The following USP34 variants were observed in gnomAD, a reference collection of about 807,000 sequenced individuals.
USP34 encodes ubiquitin specific peptidase 34.
USP34 carries 70 observed loss-of-function variants against 460.3 expected under a neutral mutation model. The ratio of observed to expected loss-of-function variants is 0.15; its 90% CI spans 0.13 to 0.19. The LOEUF is 0.19. USP34 is among the 10% of genes least tolerant of loss of function. USP34 has a pLI of 1.00. For synonymous variants in USP34, 1,647 were observed against 1,405.3 expected (o/e 1.17, Z -3.85); for missense variants, 3,985 against 4,236.2 (o/e 0.94, Z 1.65).
intron 44 of USP34, among the ~76,000 whole-genome samples, chr2:61,258,327 A>G (rs1310423669): frequency 6.6e-6 from 1 of 152,214 alleles, no homozygotes; most frequent in African/African-American, 2.4e-5. Context: ...CTGCCTCAAA[A>G]AATAAAAATA....
intron 10 of USP34, among the ~76,000 whole-genome samples, chr2:61,360,176 C>T (rs1029896412): frequency 2.0e-5 from 3 of 152,094 alleles, no homozygotes; most frequent in African/African-American, 2.4e-5. Context: ...ATTACCACTC[C>T]TATTCAATTT....
intron 3 of USP34, among the ~76,000 whole-genome samples, chr2:61,404,277 AC>A (rs1354945092): frequency 6.6e-6 from 1 of 152,126 alleles, no homozygotes; most frequent in African/African-American, 2.4e-5. Context: ...TAAAAAACAA[AC>A]AAAAAAAATG....
Position 61,229,600 on chromosome 2 carries a change from T to C in USP34, c.7147A>G (p.Arg2383Gly). 6.2e-7 allele frequency: 1 copy of C among 1,612,320 alleles called. No homozygotes were observed. Among genetic ancestry groups the C allele is most frequent in the Non-Finnish European group, 8.5e-7 (1 of 1,179,404 alleles). ...FQRLCIHVIQ[R>G]LRPVHAHLYL... is the part of the protein sequence containing the mutation. ...AGATGAGCATGCACAGGTCTCAGCC[T>C]CTGAATCACATGGATACACAAACGC... The change falls in exon 59 of 80, where the codon AGG (arginine) becomes GGG (glycine). Residue 2383 changes from arginine to glycine, a missense_variant. Physicochemically the swap from Arg to Gly is moderately radical, Grantham distance 125 (BLOSUM62 -2). Transcript: ENST00000398571.
In USP34 at chr2:61,383,292, T is replaced by C. The variant is rs1195352294; in HGVS notation, c.798A>G (p.Ile266Met). The change falls in exon 6 of 80, where the codon ATA (isoleucine) becomes ATG (methionine). Residue 266 changes from isoleucine (I) to methionine (M), a missense_variant. Coordinates refer to ENST00000398571, the MANE Select transcript of USP34 (RefSeq NM_014709.4). ...ACCTAATAACATAGGTCCTAAAAGG[T>C]ATAATGTGCTGCATGACAGCGGGAA... The part of the protein sequence containing the change: ...LHIPAVMQHI[I>M]PFRTYVIRYL... 1 of 1,604,990 alleles carries C rather than the reference T, an allele frequency of 6.2e-7. No individual in the cohort carries two copies. Among genetic ancestry groups the C allele is most frequent in the South Asian group, 1.1e-5 (1 of 89,476 alleles).
chr2:61,405,733 T>C lies in USP34; in HGVS notation c.527A>G (p.Lys176Arg), dbSNP rs200872829. 95 of 1,572,022 alleles carry C rather than the reference T, an allele frequency of 6.0e-5. No individual in the cohort carries two copies. Among genetic ancestry groups the C allele is most frequent in the South Asian group, 1.2e-4 (10 of 82,406 alleles). The change falls in exon 3 of 80, where the codon AAG becomes AGG. Residue 176 changes from lysine to arginine, a missense_variant. By Grantham distance (26) the Lys-to-Arg change is conservative. Transcript: ENST00000398571. ...CTCAATAGTAGGGTGAGTATTATGC[T>C]TGTAAGCAGTATATAAGGGAAACTG... ...QIQFPLYTAY[K>R]HNTHPTIEDI... is the part of the protein sequence containing the mutation.
chr2:61,346,369 A>T (rs1270437321), intron 15 of USP34: 7 of 127,836 alleles, frequency 5.5e-5, no homozygotes, highest in East Asian at 2.4e-4. Flanking sequence ...AAAAAAAAAA[A>T]TTAAGAATTA....
At chr2:61,258,577 C>G (rs1688782957) in intron 44 of USP34, among the ~76,000 whole-genome samples, 1 of 151,938 alleles carries the variant, frequency 6.6e-6, no homozygotes, top group Non-Finnish European at 1.5e-5. Flanking sequence ...AATAAACCCA[C>G]AAGCAATGAA....
chr2:61,320,962 G>C (rs1195251972), intron 21 of USP34, among the ~76,000 whole-genome samples: 4 of 151,130 alleles, frequency 2.6e-5, no homozygotes, highest in Non-Finnish European at 5.9e-5. Context: ...GTGAGCTGAG[G>C]CCTCACCACT....
At position 61,187,617 on chromosome 2, in the gene USP34, G is replaced by C; in HGVS notation, c.*485C>G. 2.6e-6 allele frequency: 2 copies of C among 764,340 alleles called. No homozygotes were observed. Among genetic ancestry groups the C allele is most frequent in the Non-Finnish European group, 3.2e-6 (2 of 627,806 alleles). The allele number at this position is 764,340 out of a possible 1,614,324, so 47.3% of individuals were successfully genotyped here. Reference sequence around the variant, plus strand: ...ATAAAGCACCATTTATATACTGCCAGGCCACAGCTAAAGAGGATTCTTTAC... The same window carrying C: ...ATAAAGCACCATTTATATACTGCCACGCCACAGCTAAAGAGGATTCTTTAC... On this transcript the variant is annotated 3_prime_UTR_variant, in exon 80 of 80. Coordinates refer to ENST00000398571, the MANE Select transcript of USP34 (RefSeq NM_014709.4).
intron 1 of USP34, among the ~76,000 whole-genome samples, chr2:61,430,409 AAT>A (rs1694635085): frequency 6.6e-6 from 1 of 152,084 alleles, no homozygotes; most frequent in Admixed American, 6.6e-5. Flanking sequence ...CTCAAAAAAT[AAT>A]AATAATAAAA....
chr2:61,462,909 T>C (rs1020673624), intron 1 of USP34, among the ~76,000 whole-genome samples: 4 of 148,056 alleles, frequency 2.7e-5, no homozygotes, highest in Non-Finnish European at 5.9e-5. Flanking sequence ...TACACACCTA[T>C]AGTCCCTGCT....
chr2:61,412,566 C>A (rs190428730), intron 2 of USP34, among the ~76,000 whole-genome samples: 6 of 151,920 alleles, frequency 3.9e-5, no homozygotes, highest in African/African-American at 1.4e-4. Context: ...AAAATGAAAT[C>A]TCCCACAAAA....
At chr2:61,334,347 T>C (rs1691355853) in intron 18 of USP34, among the ~76,000 whole-genome samples, 1 of 152,080 alleles carries the variant, frequency 6.6e-6, no homozygotes, top group Non-Finnish European at 1.5e-5. Context: ...ACCACGTCAC[T>C]AATGGAAGCA....
At chr2:61,213,706 A>C (rs1399466744) in intron 68 of USP34, among the ~76,000 whole-genome samples, 1 of 152,234 alleles carries the variant, frequency 6.6e-6, no homozygotes, top group Non-Finnish European at 1.5e-5. Context: ...GATTTTGCTA[A>C]GTATCTGATT....
Position 61,227,163 on chromosome 2 carries a change from T to A in USP34, c.7499A>T (p.Asp2500Val). 1 of 1,613,964 alleles carries A rather than the reference T, an allele frequency of 6.2e-7. No individual in the cohort carries two copies. The highest frequency in any genetic ancestry group is 8.5e-7 in the Non-Finnish European group (1 of 1,179,938). The change falls in exon 62 of 80, where the codon GAT becomes GTT. Residue 2500 changes from aspartate to valine, a missense_variant. Around this residue, in one of 14 missense-constraint regions of USP34, gnomAD observed 604 missense variants for 684.8 expected, o/e 0.88. Coordinates refer to ENST00000398571, the MANE Select transcript of USP34 (RefSeq NM_014709.4). ...TTTTTCTTCTGCCAGAGAGAGGATA[T>A]CTTCTTCCTCCTCTTCTTCTTCCCC... ...EEGEEEEEEE[D>V]ILSLAEEKYR...
rs547203444 is a variant in USP34, at chr2:61,369,898, G to C, written c.1251+423C>G. Among the ~76,000 whole-genome samples the C allele has an allele frequency of 2.6e-3, 398 of 150,714 alleles. 2 individuals carry two copies. The highest frequency in any genetic ancestry group is 1.7e-3 in the Non-Finnish European group (116 of 67,814). ...CTGAGAAGATAATAACTGCATGCTT[G>C]AGAGATGGGGCAGAAAGGAAAAACA... On this transcript the variant is annotated intron_variant, in intron 10 of 79. Transcript: ENST00000398571.
chr2:61,197,253 A>G (rs2103752329), intron 75 of USP34, among the ~76,000 whole-genome samples: 1 of 152,326 alleles, frequency 6.6e-6, no homozygotes, highest in Non-Finnish European at 1.5e-5. Context: ...CCTGGGGGAC[A>G]GAGTGAGACT....
rs760903451 is a variant in USP34 at position 61,266,112 on chromosome 2, C to A, written c.5489G>T (p.Arg1830Leu). ...LLFLLPSLKD[R>L]QQPKCKSHSS... ...ATGTGATTTGCACTTTGGCTGTTGT[C>A]GGTCCTTTAGACTTGGCAACAAAAA... Residue 1830 changes from arginine to leucine, a missense_variant, in exon 42 of 80, where the codon CGA becomes CTA. Arg to Leu is a moderately radical substitution (Grantham distance 102). Around this residue, in one of 14 missense-constraint regions of USP34, gnomAD observed 1,114 missense variants for 1,122.5 expected, o/e 0.99. Transcript: ENST00000398571. 6.2e-7 allele frequency: 1 copy of A among 1,613,668 alleles called. No individual in the cohort carries two copies. The highest frequency in any genetic ancestry group is 8.5e-7 in the Non-Finnish European group (1 of 1,179,800).
intron 1 of USP34, among the ~76,000 whole-genome samples, chr2:61,457,964 A>G (rs923460132): frequency 7.2e-5 from 11 of 152,246 alleles, no homozygotes; most frequent in South Asian, 6.2e-4. Context: ...AACAGGAAAC[A>G]CCACATCTAG....
Sources: allele counts gnomAD v4.1 joint callset (sites outside exome capture counted in the v4.1 genomes callset), GRCh38; gene constraint gnomAD v4.1.1; regional missense constraint gnomAD v4.1.1; transcripts MANE v1.5; gene names NCBI Gene and HGNC (gene_info 2026-07-23, HGNC 2026-07-21).